TBL3: variants seen among roughly 807,000 people sequenced by gnomAD.
TBL3 encodes transducin beta-like protein 3.
Under a neutral mutation model 102.7 loss-of-function variants are expected in TBL3, and 71 were observed. The observed-to-expected ratio is 0.69, with a 90% CI of 0.57 to 0.84. The LOEUF is 0.84. Ranked by LOEUF, TBL3 falls within the 40% of genes least tolerant of loss-of-function variation. The pLI is 0.00. For synonymous variants in TBL3, 578 were observed against 477.7 expected, an observed-to-expected ratio of 1.21 and a Z score of -2.74; for missense variants, 1,188 against 1,098.5, an observed-to-expected ratio of 1.08 and a Z score of -1.15.
chr16:1,980,329 C>T lies in TBL3; in HGVS notation c.*1644C>T, dbSNP rs765040534. ...ACCCTGGACCTCTCCCAGCTCCAAACGCCGCTGCATGCTGGGAGTTTGGGG... is the reference window on the plus strand; with the variant it reads ...ACCCTGGACCTCTCCCAGCTCCAAATGCCGCTGCATGCTGGGAGTTTGGGG... On this transcript the variant is annotated 3_prime_UTR_variant, in exon 22 of 22. Coordinates refer to ENST00000568546, the MANE Select transcript of TBL3 (RefSeq NM_006453.3). 2 of 1,580,696 alleles carry T rather than the reference C, an allele frequency of 1.3e-6. No homozygotes were observed. Among genetic ancestry groups the T allele is most frequent in the Admixed American group, 1.7e-5 (1 of 58,324 alleles).
chr16:1,975,784 C>T, intron 10 of TBL3, 24 bp from the exon 11 acceptor site: 1 of 1,614,080 alleles, frequency 6.2e-7, no homozygotes, highest in Non-Finnish European at 8.5e-7. Flanking sequence ...TGGCTCACAT[C>T]TCCTGCTCCC....
At position 1,980,005 on chromosome 16, in the gene TBL3, T is replaced by G. The variant is rs1315391955; in HGVS notation, c.*1320T>G. On this transcript the variant is annotated 3_prime_UTR_variant, in exon 22 of 22. Transcript: ENST00000568546. ...TTCTTGGGGGGCCCTACCTGAGGGG[T>G]GCCGCAGCAGCACGTCCAGGCTCTC... 6.4e-7 allele frequency: 1 copy of G among 1,558,332 alleles called. No individual in the cohort carries two copies.
In TBL3 at chr16:1,974,039, TC is replaced by T; in HGVS notation, c.42-14del. The T allele has an allele frequency of 6.5e-7, 1 of 1,539,626 alleles. No individual in the cohort carries two copies. Among genetic ancestry groups the T allele is most frequent in the East Asian group, 2.3e-5 (1 of 43,422 alleles). On this transcript the variant is annotated splice_polypyrimidine_tract_variant and intron_variant, in intron 1 of 21. Coordinates refer to ENST00000568546, the MANE Select transcript of TBL3 (RefSeq NM_006453.3). ...AGGGGGTGGGTGGTGCTCATTCGCC[TC>T]CCGCTCTCCTTCCAGCTATGCTGTG...
intron 2 of TBL3, 36 bp from the exon 3 acceptor site, chr16:1,974,161 C>A: frequency 6.4e-7 from 1 of 1,562,540 alleles, no homozygotes; most frequent in South Asian, 1.2e-5. Context: ...GCGGGGGGTG[C>A]TGAATGTTGC....
In TBL3 at chr16:1,972,127, C is replaced by A; in HGVS notation, c.-38C>A. 1.4e-6 allele frequency: 2 copies of A among 1,471,770 alleles called. No homozygotes were observed. The highest frequency in any genetic ancestry group is 1.8e-6 in the Non-Finnish European group (2 of 1,109,254). The allele number at this position is 1,471,770 out of a possible 1,614,324, so 91.2% of individuals were successfully genotyped here. A position where few individuals can be genotyped will look rare whatever the true frequency, so the allele number is the denominator to read the frequency against. On this transcript the variant is annotated 5_prime_UTR_variant, in exon 1 of 22. Transcript: ENST00000568546. ...CCTCACGCGGCGGTGGCTGCCGGGACCCTAGCAGGTTTCAGCTGGAGCGGC... is the reference window on the plus strand; with the variant it reads ...CCTCACGCGGCGGTGGCTGCCGGGAACCTAGCAGGTTTCAGCTGGAGCGGC...
rs376348263 is a variant in TBL3 at position 1,975,275 on chromosome 16, G to A, written c.711+13G>A. On this transcript the variant is annotated intron_variant, in intron 8 of 21. Coordinates refer to ENST00000568546, the MANE Select transcript of TBL3 (RefSeq NM_006453.3). Reference sequence around the variant, plus strand: ...GCCTGTGTTTGAGGTGGGGATGCCTGGAGGCCAGGGCTGGTTGAGTTGGGT... The same window carrying A: ...GCCTGTGTTTGAGGTGGGGATGCCTAGAGGCCAGGGCTGGTTGAGTTGGGT... 4 of 1,613,882 alleles carry A rather than the reference G, an allele frequency of 2.5e-6. No individual in the cohort carries two copies. The African/African-American group carries it at 5.3e-5, about 22-fold the overall frequency.
At position 1,980,823 on chromosome 16, in the gene TBL3, G is replaced by A. The variant is rs1187087249; in HGVS notation, c.*2138G>A. On this transcript the variant is annotated 3_prime_UTR_variant, in exon 22 of 22. Coordinates refer to ENST00000568546, the MANE Select transcript of TBL3 (RefSeq NM_006453.3). ...CTCACCCGGATGGCAGGGGCTGGGAGCTTCAGCAGGGACGAAGGGCCTCCA... is the reference window on the plus strand; with the variant it reads ...CTCACCCGGATGGCAGGGGCTGGGAACTTCAGCAGGGACGAAGGGCCTCCA... 5 of 1,471,132 alleles carry A rather than the reference G, an allele frequency of 3.4e-6. No individual in the cohort carries two copies. Among genetic ancestry groups the A allele is most frequent in the Non-Finnish European group, 4.7e-6 (5 of 1,071,630 alleles). 91.1% of individuals were successfully genotyped at this position (1,471,132 alleles called of 1,614,324 possible).
rs998785403 is a variant in TBL3, at chr16:1,974,403, G to C, written c.217G>C (p.Asp73His). The change falls in exon 4 of 22, where the codon GAC becomes CAC. Residue 73 changes from aspartate to histidine, a missense_variant. Physicochemically the swap from Asp to His is moderately conservative, Grantham distance 81 (BLOSUM62 -1). Transcript: ENST00000568546. ...QEDQEDITAF[D>H]LSPDNEVLVT... is the part of the protein sequence containing the mutation. ...GGACCAGGAGGACATCACTGCCTTTGACCTCAGCCCTGACAACGAGGTATG... is the reference window on the plus strand; with the variant it reads ...GGACCAGGAGGACATCACTGCCTTTCACCTCAGCCCTGACAACGAGGTATG... 2 of 1,610,944 alleles carry C rather than the reference G, an allele frequency of 1.2e-6. No homozygotes were observed. Among genetic ancestry groups the C allele is most frequent in the Non-Finnish European group, 8.5e-7 (1 of 1,178,388 alleles).
In TBL3 at chr16:1,972,068, T is replaced by C; in HGVS notation, c.-97T>C. 1 of 1,298,094 alleles carries C rather than the reference T, an allele frequency of 7.7e-7. No homozygotes were observed. The highest frequency in any genetic ancestry group is 3.8e-5 in the Admixed American group (1 of 26,272). The allele number at this position is 1,298,094 out of a possible 1,614,324, so 80.4% of individuals were successfully genotyped here. On this transcript the variant is annotated 5_prime_UTR_variant, in exon 1 of 22. Coordinates refer to ENST00000568546, the MANE Select transcript of TBL3 (RefSeq NM_006453.3). ...TGACGCCATCGCAGCGCGCCGGGAG[T>C]GTGGCGTTCTGTGAAGAGTTCGGTG... is the stretch of plus-strand genomic sequence containing the variant.
chr16:1,975,992 G>GC (rs2083398321), intron 11 of TBL3, 43 bp downstream of exon 11: 1 of 1,613,978 alleles, frequency 6.2e-7, no homozygotes, highest in African/African-American at 1.3e-5. Context: ...AGCCGCCTCG[G>GC]TCCCTTGCTT....
At position 1,980,809 on chromosome 16, in the gene TBL3, G is replaced by A. The variant is rs1567332143; in HGVS notation, c.*2124G>A. On this transcript the variant is annotated 3_prime_UTR_variant, in exon 22 of 22. Transcript: ENST00000568546. Reference sequence around the variant, plus strand: ...AGAGGGCGGGGTCCCTCACCCGGATGGCAGGGGCTGGGAGCTTCAGCAGGG... The same window carrying A: ...AGAGGGCGGGGTCCCTCACCCGGATAGCAGGGGCTGGGAGCTTCAGCAGGG... 1 of 1,492,156 alleles carries A rather than the reference G, an allele frequency of 6.7e-7. No individual in the cohort carries two copies. Among genetic ancestry groups the A allele is most frequent in the South Asian group, 1.2e-5 (1 of 84,668 alleles). 92.4% of individuals were successfully genotyped at this position (1,492,156 alleles called of 1,614,324 possible). A position where few individuals can be genotyped will look rare whatever the true frequency, so the allele number is the denominator to read the frequency against.
rs1025714720 is a variant in TBL3, at chr16:1,974,012, T to C, written c.42-44T>C. ...TAGCACAGGGCGGGGCCCTGGGGACTGAGGGGGTGGGTGGTGCTCATTCGC... is the reference window on the plus strand; with the variant it reads ...TAGCACAGGGCGGGGCCCTGGGGACCGAGGGGGTGGGTGGTGCTCATTCGC... On this transcript the variant is annotated intron_variant, in intron 1 of 21. Transcript: ENST00000568546. 3.3e-6 allele frequency: 5 copies of C among 1,505,882 alleles called. No homozygotes were observed. The African/African-American group carries it at 5.6e-5, about 17-fold the overall frequency. 93.3% of individuals were successfully genotyped at this position (1,505,882 alleles called of 1,614,324 possible).
chr16:1,976,458 G>A (rs1368157790), intron 13 of TBL3, 144 bp downstream of exon 13: 4 of 721,014 alleles, frequency 5.5e-6, no homozygotes, highest in Non-Finnish European at 9.3e-6. Context: ...AACAGAACAG[G>A]ACAGGAGAGT....
At position 1,979,470 on chromosome 16, in the gene TBL3, C is replaced by T. The variant is rs761744532; in HGVS notation, c.*785C>T. ...GTCTGACGTTTCCAACACGCGCACG[C>T]GCGCCCCCGCGGGCACGGACAGCTC... is the stretch of plus-strand genomic sequence containing the variant. On this transcript the variant is annotated 3_prime_UTR_variant, in exon 22 of 22. Transcript: ENST00000568546. The T allele has an allele frequency of 6.2e-6, 10 of 1,611,670 alleles. No homozygotes were observed. In the Admixed American group the frequency reaches 1.0e-4, roughly 16 times the overall value.
chr16:1,974,255 A>C lies in TBL3; in HGVS notation c.152A>C (p.Glu51Ala). 1 of 1,603,276 alleles carries C rather than the reference A, an allele frequency of 6.2e-7. No individual in the cohort carries two copies. The highest frequency in any genetic ancestry group is 2.2e-5 in the East Asian group (1 of 44,702). ...CVCGTRVNIL[E>A]VASGAVLRSL... ...TGTGGCACCAGAGTCAACATTCTGG[A>C]AGTGGCCTCGGGGGCCGTGCTGCGG... Residue 51 changes from glutamate to alanine, a missense_variant, in exon 3 of 22, where the codon GAA becomes GCA. Physicochemically the swap from Glu to Ala is moderately radical, Grantham distance 107 (BLOSUM62 -1). Transcript: ENST00000568546.
At position 1,979,457 on chromosome 16, in the gene TBL3, C is replaced by T. The variant is rs1239567712; in HGVS notation, c.*772C>T. ...GCCACCAGCCGCGGTCTGACGTTTC[C>T]AACACGCGCACGCGCGCCCCCGCGG... On this transcript the variant is annotated 3_prime_UTR_variant, in exon 22 of 22. Transcript: ENST00000568546. The T allele has an allele frequency of 6.2e-7, 1 of 1,611,194 alleles. No homozygotes were observed. Among genetic ancestry groups the T allele is most frequent in the African/African-American group, 1.3e-5 (1 of 74,900 alleles).
At chr16:1,972,944 G>T (rs1215750786) in intron 1 of TBL3, among the ~76,000 whole-genome samples, 2 of 152,300 alleles carry the variant, frequency 1.3e-5, no homozygotes, top group African/African-American at 4.8e-5. Context: ...GGAATAGGGG[G>T]AAGATAGGAA....
chr16:1,978,506 G>A, intron 21 of TBL3, 35 bp downstream of exon 21: 1 of 1,589,056 alleles, frequency 6.3e-7, no homozygotes, highest in Non-Finnish European at 8.6e-7. Context: ...GGGGATCCTG[G>A]TGGGCGTGTG....
At chr16:1,972,613 T>C (rs2083368459) in intron 1 of TBL3, among the ~76,000 whole-genome samples, 3 of 152,140 alleles carry the variant, frequency 2.0e-5, no homozygotes, top group African/African-American at 7.2e-5. Context: ...GCAGGGAGAA[T>C]GCAGGAGAGG....
Sources: allele counts gnomAD v4.1 joint callset (sites outside exome capture counted in the v4.1 genomes callset), GRCh38; gene constraint gnomAD v4.1.1; transcripts MANE v1.5; gene names NCBI Gene and HGNC (gene_info 2026-07-23, HGNC 2026-07-21).